ROBO2: variants seen among roughly 807,000 people sequenced by gnomAD.
ROBO2 encodes the protein roundabout guidance receptor 2, also known as roundabout homolog 2.
A neutral mutation model predicts 160.8 loss-of-function variants in ROBO2; 53 were observed. The ratio of observed to expected loss-of-function variants is 0.33; its 90% CI spans 0.26 to 0.41. The LOEUF (loss-of-function observed/expected upper bound fraction) is 0.41, where lower values mean the gene tolerates loss of function less well. ROBO2 is among the 10% of genes least tolerant of loss of function. The pLI, the probability that ROBO2 is intolerant of heterozygous loss-of-function variation, is 1.00. For synonymous variants in ROBO2, 664 were observed against 611.7 expected (o/e 1.09, Z -1.26); for missense variants, 1,577 against 1,722.4 (o/e 0.92, Z 1.49).
chr3:76,491,063 G>A (rs1214754468), intron 2 of ROBO2, among the ~76,000 whole-genome samples: 1 of 151,852 alleles, frequency 6.6e-6, no homozygotes, highest in East Asian at 1.9e-4. Context: ...AGGTTCAAAC[G>A]ATTCTCCTGC....
chr3:75,932,596 A>G (rs9828526), intron 1 of ROBO2, among the ~76,000 whole-genome samples: 22,009 of 152,154 alleles, frequency 0.14, 5,214 homozygotes, highest in African/African-American at 0.49. Flanking sequence ...TATGCACTAC[A>G]CTTTGGGAGG....
chr3:76,297,940 G>T (rs1709164450), intron 2 of ROBO2, among the ~76,000 whole-genome samples: 1 of 152,098 alleles, frequency 6.6e-6, no homozygotes, highest in African/African-American at 2.4e-5. Flanking sequence ...ACATGGATTG[G>T]CTGACTTTAT....
At chr3:77,440,825 C>T (rs192495485) in intron 2 of ROBO2, among the ~76,000 whole-genome samples, 1 of 152,014 alleles carries the variant, frequency 6.6e-6, no homozygotes, top group African/African-American at 2.4e-5. Context: ...TGAGAATTGA[C>T]CTGGTTGTGG....
chr3:76,603,854 T>G (rs2087432745), intron 2 of ROBO2, among the ~76,000 whole-genome samples: 1 of 152,136 alleles, frequency 6.6e-6, no homozygotes. Context: ...ATTTGCTTGA[T>G]AGTTTCCTGT....
chr3:75,957,475 A>G (rs914883107), intron 2 of ROBO2, among the ~76,000 whole-genome samples: 7 of 151,460 alleles, frequency 4.6e-5, no homozygotes, highest in African/African-American at 1.2e-4. Flanking sequence ...TAAGCTTTCT[A>G]CATAAGTTCC....
chr3:76,574,266 TATAGAAA>T (rs2085147706), intron 2 of ROBO2, among the ~76,000 whole-genome samples: 1 of 152,078 alleles, frequency 6.6e-6, no homozygotes, highest in East Asian at 1.9e-4. Flanking sequence ...ACCAGTAAAA[TATAGAAA>T]ATAGAAAAGT....
At chr3:77,395,523 A>G (rs2075187317) in intron 2 of ROBO2, among the ~76,000 whole-genome samples, 1 of 152,092 alleles carries the variant, frequency 6.6e-6, no homozygotes, top group Non-Finnish European at 1.5e-5. Flanking sequence ...TTTTAATTGA[A>G]TTGTATTTTA....
chr3:77,180,933 A>T (rs918356162), intron 2 of ROBO2, among the ~76,000 whole-genome samples: 1 of 152,066 alleles, frequency 6.6e-6, no homozygotes, highest in Admixed American at 6.6e-5. Flanking sequence ...TGATTTTTGA[A>T]AAAGAGTTAC....
At chr3:77,641,782 A>G (rs2095354604) in intron 24 of ROBO2, among the ~76,000 whole-genome samples, 1 of 152,188 alleles carries the variant, frequency 6.6e-6, no homozygotes, top group South Asian at 2.1e-4. Flanking sequence ...GAAAGAAAGA[A>G]CTGTGATTTC....
rs537994758 is a variant in ROBO2 at position 76,351,989 on chromosome 3, TATC to T, written c.109+414390_109+414392del. 2.6e-4 allele frequency among the ~76,000 whole-genome samples: 39 copies of T among 152,176 alleles called. 1 individual carries two copies. In the South Asian group the frequency reaches 6.0e-3, roughly 23 times the overall value. The stretch of plus-strand genomic sequence containing the variant: ...TCATAACTATCATATTTCATCAAAA[TATC>T]ATATTAATAATCAGATATAAGTTAG... On this transcript the variant is annotated intron_variant, in intron 2 of 26. Coordinates refer to the ROBO2 transcript ENST00000487694.
intron 2 of ROBO2, among the ~76,000 whole-genome samples, chr3:76,758,845 T>A (rs1576458293): frequency 6.6e-6 from 1 of 152,000 alleles, no homozygotes; most frequent in South Asian, 2.1e-4. Flanking sequence ...TATAAATACA[T>A]GGTCTTTGTT....
At chr3:77,602,238 G>T (rs2094443467) in exon 20 of ROBO2, 2 of 1,614,058 alleles carry the variant, frequency 1.2e-6, no homozygotes, top group Non-Finnish European at 1.7e-6. Context: ...CAGGCCAAGG[G>T]GATAAAACAG....
intron 2 of ROBO2, among the ~76,000 whole-genome samples, chr3:76,485,705 C>G (rs1577544115): frequency 6.6e-6 from 1 of 152,184 alleles, no homozygotes; most frequent in East Asian, 1.9e-4. Flanking sequence ...GCTGTTTGTA[C>G]TGAAGTAAAA....
intron 2 of ROBO2, among the ~76,000 whole-genome samples, chr3:76,040,990 A>G (rs2067255690): frequency 6.6e-6 from 1 of 152,178 alleles, no homozygotes; most frequent in Non-Finnish European, 1.5e-5. Context: ...CTCTATCTCA[A>G]AAAACAAAAT....
At position 77,196,997 on chromosome 3, in the gene ROBO2, AAAC is replaced by A. The variant is rs201444932; in HGVS notation, c.388+98660_388+98662del. On this transcript the variant is annotated intron_variant, in intron 2 of 25. Transcript: ENST00000461745. ...ATAAAGAAGAAGGTAGAGAAAAAAAAAACAAGAAAAAGAAAAAGTAAAATGAAT... is the reference window on the plus strand; with the variant it reads ...ATAAAGAAGAAGGTAGAGAAAAAAAAAAGAAAAAGAAAAAGTAAAATGAAT... 2.0e-4 allele frequency among the ~76,000 whole-genome samples: 29 copies of A among 145,244 alleles called. No individual in the cohort carries two copies. In the South Asian group the frequency reaches 2.6e-3, roughly 13 times the overall value.
intron 8 of ROBO2, among the ~76,000 whole-genome samples, chr3:77,553,446 T>C (rs571623123): frequency 6.6e-6 from 1 of 152,088 alleles, no homozygotes; most frequent in South Asian, 2.1e-4. Flanking sequence ...AAAAGTCACA[T>C]GTCTCTGACT....
At chr3:77,356,732 A>C (rs887147088) in intron 2 of ROBO2, among the ~76,000 whole-genome samples, 1 of 152,274 alleles carries the variant, frequency 6.6e-6, no homozygotes. Context: ...GAAAGTGGTT[A>C]ATTCAGGGGG....
At chr3:76,576,701 CTT>C (rs56404865) in intron 2 of ROBO2, among the ~76,000 whole-genome samples, 2 of 62,392 alleles carry the variant, frequency 3.2e-5, no homozygotes, top group African/African-American at 1.2e-4. Context: ...CATTTTCTTT[CTT>C]TTTTTTTTTT....
chr3:77,608,868 A>G (rs1349435560), intron 21 of ROBO2, among the ~76,000 whole-genome samples: 1 of 151,818 alleles, frequency 6.6e-6, no homozygotes, highest in Non-Finnish European at 1.5e-5. Context: ...TATTTCTATA[A>G]TGGTTGTTTA....
Sources: allele counts gnomAD v4.1 joint callset (sites outside exome capture counted in the v4.1 genomes callset), GRCh38; gene constraint gnomAD v4.1.1; transcripts MANE v1.5; gene names NCBI Gene and HGNC (gene_info 2026-07-23, HGNC 2026-07-21).